CAPN14: variants seen among roughly 807,000 people sequenced by gnomAD.
CAPN14 encodes calpain 14, also known as calpain-14.
Under a neutral mutation model 101.3 loss-of-function variants are expected in CAPN14, and 94 were observed. The ratio of observed to expected loss-of-function variants is 0.93; its 90% CI spans 0.79 to 1.10. The LOEUF (loss-of-function observed/expected upper bound fraction) is 1.10. CAPN14 is among the 50% of genes least tolerant of loss of function. CAPN14 has a pLI of 0.00. For synonymous variants in CAPN14, 338 were observed against 317.9 expected (o/e 1.06, Z -0.67); for missense variants, 837 against 828.4 (o/e 1.01, Z -0.13).
In CAPN14 at chr2:31,186,433, C is replaced by G; in HGVS notation, c.1640G>C (p.Trp547Ser). 1 of 1,548,626 alleles carries G rather than the reference C, an allele frequency of 6.5e-7. No individual in the cohort carries two copies. The highest frequency in any genetic ancestry group is 8.7e-7 in the Non-Finnish European group (1 of 1,145,732). Residue 547 changes from tryptophan to serine, a missense_variant, in exon 16 of 22, where the codon TGG (tryptophan) becomes TCG (serine). Coordinates refer to ENST00000403897, the MANE Select transcript of CAPN14 (RefSeq NM_001145122.2). ...QLQNLLNQMT[W>S]SSLGSRQPFF... ...AATGGCTCTAAAACACTTACTTGAC[C>G]AGGTCATCTGGTTCAGGAGGTTCTG...
chr2:31,188,819 T>A (rs959888004), intron 13 of CAPN14, among the ~76,000 whole-genome samples: 1 of 152,144 alleles, frequency 6.6e-6, no homozygotes, highest in Non-Finnish European at 1.5e-5. Context: ...CTCCCTTCAT[T>A]TGAACAACCC....
At chr2:31,211,687 A>T (rs1192682406) in intron 1 of CAPN14, among the ~76,000 whole-genome samples, 1 of 151,886 alleles carries the variant, frequency 6.6e-6, no homozygotes, top group Non-Finnish European at 1.5e-5. Flanking sequence ...ACACACACAC[A>T]CACACACACA....
intron 1 of CAPN14, chr2:31,233,711 G>A (rs1486711874): frequency 2.0e-5 from 3 of 151,614 alleles, no homozygotes; most frequent in African/African-American, 7.3e-5. Flanking sequence ...GGTAGTGACA[G>A]TTTTGGTTAT....
intron 1 of CAPN14, among the ~76,000 whole-genome samples, chr2:31,216,265 G>A (rs536604267): frequency 5.9e-5 from 9 of 152,232 alleles, no homozygotes; most frequent in South Asian, 2.1e-4. Context: ...CCTTGAGGTC[G>A]AGCGATCTAT....
chr2:31,198,208 G>T (rs543679667), intron 7 of CAPN14, among the ~76,000 whole-genome samples: 1 of 152,314 alleles, frequency 6.6e-6, no homozygotes, highest in Admixed American at 6.5e-5. Context: ...AAACTTGAAA[G>T]AATGCAACCA....
At chr2:31,206,546 T>C (rs747249352) in intron 1 of CAPN14, among the ~76,000 whole-genome samples, 13 of 152,230 alleles carry the variant, frequency 8.5e-5, no homozygotes, top group Non-Finnish European at 1.8e-4. Context: ...TGAGCCACCA[T>C]GCCCAGCCTA....
At chr2:31,178,040 C>A (rs993082379) in intron 18 of CAPN14, among the ~76,000 whole-genome samples, 71 of 152,274 alleles carry the variant, frequency 4.7e-4, no homozygotes, top group East Asian at 1.9e-4. Flanking sequence ...ACAAAAAAGT[C>A]TTTTTCTCAT....
chr2:31,194,546 C>A, intron 8 of CAPN14, 63 bp from the exon 9 acceptor site: 1 of 1,047,598 alleles, frequency 9.5e-7, no homozygotes, highest in Non-Finnish European at 1.4e-6. Context: ...TTAGTAAAGG[C>A]TCTATAGTGT....
Position 31,230,240 on chromosome 2 carries a change from AT to A in CAPN14, c.-177+3550del, listed in dbSNP as rs1443733307. On this transcript the variant is annotated intron_variant and NMD_transcript_variant, in intron 1 of 21. Transcript: ENST00000398824. The surrounding 1 kb of genome is among the most constrained non-coding windows in gnomAD (Gnocchi z 4.3). ...TATATATTTTATATGAATGTGGCACATTTATCCATTTACTCGGTGAAGGACA... is the reference window on the plus strand; with the variant it reads ...TATATATTTTATATGAATGTGGCACATTATCCATTTACTCGGTGAAGGACA... Among the ~76,000 whole-genome samples the A allele has an allele frequency of 6.6e-6, 1 of 152,206 alleles. No individual in the cohort carries two copies. Among genetic ancestry groups the A allele is most frequent in the African/African-American group, 2.4e-5 (1 of 41,452 alleles).
chr2:31,188,380 C>T (rs1681009281), intron 13 of CAPN14, 26 bp from the exon 14 acceptor site: 2 of 1,550,868 alleles, frequency 1.3e-6, no homozygotes, highest in South Asian at 1.2e-5. Context: ...CAAGAACAAA[C>T]TCAGAGTTTC....
chr2:31,201,002 A>G (rs1572417706), intron 5 of CAPN14, among the ~76,000 whole-genome samples: 1 of 152,150 alleles, frequency 6.6e-6, no homozygotes, highest in African/African-American at 2.4e-5. Flanking sequence ...TGTTGGGACA[A>G]CACCCTGGAC....
intron 14 of CAPN14, 42 bp downstream of exon 14, chr2:31,188,276 G>A (rs564534275): frequency 2.1e-4 from 328 of 1,537,726 alleles, no homozygotes; most frequent in Non-Finnish European, 2.7e-4. Context: ...CCCTGGCTTG[G>A]AAAGCAGTCC....
At chr2:31,202,731 G>A (rs1298090371) in intron 3 of CAPN14, among the ~76,000 whole-genome samples, 8 of 152,048 alleles carry the variant, frequency 5.3e-5, no homozygotes, top group South Asian at 2.1e-4. Context: ...CTATTCTGGC[G>A]AGGCTAATGA....
intron 1 of CAPN14, among the ~76,000 whole-genome samples, chr2:31,211,258 G>A (rs527382444): frequency 0.041 from 6,242 of 150,688 alleles, 141 homozygotes; most frequent in African/African-American, 0.053. Flanking sequence ...GAGAGGGAGG[G>A]AGGAAGGAAG....
At chr2:31,206,303 C>A (rs936726944) in intron 1 of CAPN14, among the ~76,000 whole-genome samples, 1 of 152,152 alleles carries the variant, frequency 6.6e-6, no homozygotes, top group Non-Finnish European at 1.5e-5. Flanking sequence ...GCACAGGGTG[C>A]GTGGGTCTCT....
Position 31,215,139 on chromosome 2 carries a change from T to C in CAPN14, c.-53+2317A>G, listed in dbSNP as rs999995270. ...GTCTGAGAGTCATCCCCTACTCTTC[T>C]TTTTCTATCCATTCCCACGCTTTTA... On this transcript the variant is annotated intron_variant, in intron 1 of 21. Coordinates refer to ENST00000403897, the MANE Select transcript of CAPN14 (RefSeq NM_001145122.2). Among the ~76,000 whole-genome samples, 51 of 152,232 alleles carry C rather than the reference T, an allele frequency of 3.4e-4. 1 individual carries two copies. Among genetic ancestry groups the C allele is most frequent in the African/African-American group, 1.2e-3 (49 of 41,458 alleles).
At chr2:31,219,893 G>C (rs561601152), upstream of CAPN14, among the ~76,000 whole-genome samples, 8 of 152,162 alleles carry the variant, frequency 5.3e-5, no homozygotes, top group Non-Finnish European at 1.0e-4. Context: ...GGTCAAATGC[G>C]TCTGTGGCAC....
intron 1 of CAPN14, among the ~76,000 whole-genome samples, chr2:31,232,192 GCTCT>G (rs1042480193): frequency 6.6e-6 from 1 of 152,128 alleles, no homozygotes; most frequent in Non-Finnish European, 1.5e-5. Context: ...TGCTAAATCA[GCTCT>G]CTCTCTGCCT....
intron 16 of CAPN14, among the ~76,000 whole-genome samples, chr2:31,181,386 TTTTCTTTCTTTTTTTCTTTCTTTC>T (rs1283883306): frequency 7.6e-6 from 1 of 131,202 alleles, no homozygotes; most frequent in African/African-American, 3.0e-5. Flanking sequence ...TCTTTTCTTT[TTTTCTTTCTTTTTTTCTTTCTTTC>T]TTTCTTTCTT....
Sources: gnomAD v4.1 joint callset for allele counts (sites outside exome capture counted in the v4.1 genomes callset) on GRCh38, gnomAD v4.1.1 for gene constraint, Gnocchi (gnomAD v3.1) non-coding constraint, MANE v1.5 for transcripts, NCBI Gene and HGNC (gene_info 2026-07-23, HGNC 2026-07-21) for gene names.